The following CSMD1 variants were observed in gnomAD, a reference collection of about 807,000 sequenced individuals.
The protein encoded by CSMD1 is CUB and Sushi multiple domains 1, also known as CUB and sushi domain-containing protein 1.
A neutral mutation model predicts 417.5 loss-of-function variants in CSMD1; 213 were observed. That is an observed-to-expected ratio of 0.51 (90% confidence interval 0.46 to 0.57). CSMD1 has a LOEUF of 0.57. CSMD1 is among the 20% of genes least tolerant of loss of function. CSMD1 has a pLI of 0.00. For synonymous variants in CSMD1, 2,862 were observed against 1,736.8 expected, an observed-to-expected ratio of 1.65 and a Z score of -16.11; for missense variants, 6,923 against 4,529.7, an observed-to-expected ratio of 1.53 and a Z score of -15.17.
At chr8:4,861,825 G>C (rs1338901828) in intron 1 of CSMD1, among the ~76,000 whole-genome samples, 1 of 151,988 alleles carries the variant, frequency 6.6e-6, no homozygotes, top group Non-Finnish European at 1.5e-5. Context: ...ATTATGTATT[G>C]ATTTCATAAT....
intron 5 of CSMD1, among the ~76,000 whole-genome samples, chr8:3,842,243 C>G (rs1803186094): frequency 6.6e-6 from 1 of 152,108 alleles, no homozygotes; most frequent in Non-Finnish European, 1.5e-5. Context: ...GTCCATTTCT[C>G]TGTTAAACAT....
At chr8:4,285,806 C>G (rs1183869167) in intron 3 of CSMD1, among the ~76,000 whole-genome samples, 1 of 152,154 alleles carries the variant, frequency 6.6e-6, no homozygotes, top group East Asian at 1.9e-4. Context: ...AGGTGTCCCT[C>G]TAATTTCACA....
chr8:3,746,130 A>G (rs757452329), intron 6 of CSMD1, among the ~76,000 whole-genome samples: 4 of 152,262 alleles, frequency 2.6e-5, no homozygotes, highest in African/African-American at 4.8e-5. Flanking sequence ...TATTGCCTGC[A>G]TGAGACAGAG....
intron 3 of CSMD1, among the ~76,000 whole-genome samples, chr8:4,203,374 T>C (rs1455162195): frequency 6.6e-6 from 1 of 152,128 alleles, no homozygotes; most frequent in Non-Finnish European, 1.5e-5. Flanking sequence ...CCTGTGGAAA[T>C]ATGAGGTGAG....
chr8:3,286,205 A>T (rs1039953309), intron 25 of CSMD1, among the ~76,000 whole-genome samples: 1 of 152,066 alleles, frequency 6.6e-6, no homozygotes, highest in Non-Finnish European at 1.5e-5. Context: ...ATGTGCTACA[A>T]TTTCTTAATC....
intron 26 of CSMD1, among the ~76,000 whole-genome samples, chr8:3,243,287 G>A (rs1799661832): frequency 6.6e-6 from 1 of 152,076 alleles, no homozygotes; most frequent in South Asian, 2.1e-4. Flanking sequence ...ATCTCCCAAG[G>A]GAGGTCCCCC....
chr8:4,450,186 G>A (rs1248677512), intron 2 of CSMD1, among the ~76,000 whole-genome samples: 2 of 152,088 alleles, frequency 1.3e-5, no homozygotes, highest in African/African-American at 2.4e-5. Flanking sequence ...AACCGAACTG[G>A]GCAACAATTG....
chr8:4,462,358 T>C (rs2406686), intron 2 of CSMD1, among the ~76,000 whole-genome samples: 25,953 of 152,068 alleles, frequency 0.17, 2,685 homozygotes, highest in South Asian at 0.3. Flanking sequence ...CCTAAATAAA[T>C]GGAAAAATAT....
At chr8:4,217,379 T>C (rs1011371662) in intron 3 of CSMD1, among the ~76,000 whole-genome samples, 7 of 152,194 alleles carry the variant, frequency 4.6e-5, no homozygotes, top group Non-Finnish European at 8.8e-5. Flanking sequence ...TTAGGGAACT[T>C]CATTTCATGA....
chr8:3,909,557 G>A (rs777336881), intron 5 of CSMD1, among the ~76,000 whole-genome samples: 36 of 152,128 alleles, frequency 2.4e-4, no homozygotes, highest in Non-Finnish European at 4.3e-4. Context: ...CAACCCTAGG[G>A]AGGTGGGTGC....
At chr8:4,472,888 T>A (rs1429632117) in intron 2 of CSMD1, among the ~76,000 whole-genome samples, 1 of 151,988 alleles carries the variant, frequency 6.6e-6, no homozygotes, top group African/African-American at 2.4e-5. Flanking sequence ...TTAGAAAAAT[T>A]ATAGTAGAAA....
intron 1 of CSMD1, among the ~76,000 whole-genome samples, chr8:4,745,263 T>A (rs910739235): frequency 6.6e-6 from 1 of 152,190 alleles, no homozygotes; most frequent in Non-Finnish European, 1.5e-5. Context: ...AATTGTATTT[T>A]TCCTCTGGCA....
chr8:3,147,335 C>T (rs762820596), intron 40 of CSMD1, among the ~76,000 whole-genome samples: 23 of 152,108 alleles, frequency 1.5e-4, no homozygotes, highest in Non-Finnish European at 2.8e-4. Flanking sequence ...CATTTTTACA[C>T]GAAAGCAACT....
intron 5 of CSMD1, among the ~76,000 whole-genome samples, chr8:3,900,561 G>A (rs1807676269): frequency 6.6e-6 from 1 of 152,030 alleles, no homozygotes; most frequent in South Asian, 2.1e-4. Flanking sequence ...CAGTGCAGAT[G>A]GGTGATACTG....
chr8:4,127,299 A>G (rs1802821161), intron 3 of CSMD1, among the ~76,000 whole-genome samples: 1 of 151,904 alleles, frequency 6.6e-6, no homozygotes, highest in South Asian at 2.1e-4. Context: ...TCTGCTTTTC[A>G]GATTTCTTAT....
chr8:4,584,187 C>T (rs1323648661), intron 2 of CSMD1, among the ~76,000 whole-genome samples: 1 of 152,030 alleles, frequency 6.6e-6, no homozygotes, highest in Admixed American at 6.6e-5. Flanking sequence ...CTGCGACGGT[C>T]CGTGGCATCA....
chr8:4,145,812 C>G (rs937634437), intron 3 of CSMD1, among the ~76,000 whole-genome samples: 2 of 151,120 alleles, frequency 1.3e-5, no homozygotes, highest in Non-Finnish European at 2.9e-5. Flanking sequence ...ATGAGGAATG[C>G]AAGGGTTGGA....
intron 1 of CSMD1, among the ~76,000 whole-genome samples, chr8:4,786,785 G>C (rs1404992481): frequency 6.6e-6 from 1 of 151,778 alleles, no homozygotes; most frequent in Non-Finnish European, 1.5e-5. Context: ...CTTCAAGCAT[G>C]CATACATAGA....
chr8:4,554,351 G>A (rs143709122), intron 2 of CSMD1, among the ~76,000 whole-genome samples: 3 of 152,174 alleles, frequency 2.0e-5, no homozygotes, highest in African/African-American at 7.2e-5. Context: ...TGCCCACGCT[G>A]GTCTGAAACT....
Sources: gnomAD v4.1 joint callset for allele counts (sites outside exome capture counted in the v4.1 genomes callset) on GRCh38, gnomAD v4.1.1 for gene constraint, MANE v1.5 for transcripts, NCBI Gene and HGNC (gene_info 2026-07-23, HGNC 2026-07-21) for gene names.